Variants in ZBTB7C observed in about 807,000 individuals in gnomAD.
The protein encoded by ZBTB7C is zinc finger and BTB domain containing 7C, also known as zinc finger and BTB domain-containing protein 7C.
A neutral mutation model predicts 25.7 loss-of-function variants in ZBTB7C; 8 were observed. The observed-to-expected ratio is 0.31, with a 90% CI of 0.18 to 0.56. ZBTB7C has a LOEUF of 0.56. Ranked by LOEUF, ZBTB7C falls within the 20% of genes least tolerant of loss-of-function variation. The pLI, the probability that ZBTB7C is intolerant of heterozygous loss-of-function variation, is 0.91. For missense variants in ZBTB7C, 824 were observed against 855.2 expected, an observed-to-expected ratio of 0.96 and a Z score of 0.46; for synonymous variants, 394 against 369.0, an observed-to-expected ratio of 1.07 and a Z score of -0.78.
At chr18:48,071,464 A>G (rs2037538324) in intron 3 of ZBTB7C, among the ~76,000 whole-genome samples, 1 of 152,216 alleles carries the variant, frequency 6.6e-6, no homozygotes, top group African/African-American at 2.4e-5. Context: ...AGCCATTAGG[A>G]TGGCTACTGT....
intron 1 of ZBTB7C, among the ~76,000 whole-genome samples, chr18:48,383,911 C>T (rs974938344): frequency 3.9e-5 from 6 of 152,100 alleles, no homozygotes; most frequent in East Asian, 1.9e-4. Context: ...GATGGAGCCT[C>T]GACCTAAGCA....
intron 3 of ZBTB7C, among the ~76,000 whole-genome samples, chr18:48,155,752 G>A (rs1037777423): frequency 3.9e-5 from 6 of 152,168 alleles, no homozygotes; most frequent in African/African-American, 1.4e-4. Flanking sequence ...AAGGGGATGT[G>A]CCTGCATTCT....
chr18:48,055,694 G>T (rs1181626503), intron 3 of ZBTB7C, among the ~76,000 whole-genome samples: 1 of 152,086 alleles, frequency 6.6e-6, no homozygotes, highest in Non-Finnish European at 1.5e-5. Context: ...CCAAGGACTA[G>T]ACTTTCCCGA....
intron 2 of ZBTB7C, among the ~76,000 whole-genome samples, chr18:48,238,823 G>T (rs1599165175): frequency 1.3e-5 from 2 of 152,228 alleles, no homozygotes; most frequent in Non-Finnish European, 2.9e-5. Flanking sequence ...CAGCAGAGAA[G>T]CTGTGGCAGG....
intron 2 of ZBTB7C, among the ~76,000 whole-genome samples, chr18:48,304,985 G>C (rs968161946): frequency 6.6e-6 from 1 of 152,028 alleles, no homozygotes; most frequent in South Asian, 2.1e-4. Context: ...GAGGTGCCTC[G>C]AGCCTTTGTT....
chr18:48,136,611 C>G (rs1029711159), intron 3 of ZBTB7C, among the ~76,000 whole-genome samples: 2 of 152,206 alleles, frequency 1.3e-5, no homozygotes, highest in Non-Finnish European at 2.9e-5. Context: ...GCAACTCCCT[C>G]TCGGAGTGCC....
Position 48,040,146 on chromosome 18 carries a change from G to T in ZBTB7C, c.962C>A (p.Pro321His). 1 of 1,581,268 alleles carries T rather than the reference G, an allele frequency of 6.3e-7. No individual in the cohort carries two copies. The highest frequency in any genetic ancestry group is 8.6e-7 in the Non-Finnish European group (1 of 1,163,872). Reference sequence around the variant, plus strand: ...GTTCTCCGCCTTGATGGGTCCCAGAGGCCCCCCCGGCAGGTCAGGGAACAT... The same window carrying T: ...GTTCTCCGCCTTGATGGGTCCCAGATGCCCCCCCGGCAGGTCAGGGAACAT... ...KDMFPDLPGG[P>H]LGPIKAENDY... Residue 321 changes from proline (P) to histidine (H), a missense_variant, in exon 4 of 5, where the codon CCT becomes CAT. By Grantham distance (77) the Pro-to-His change is moderately conservative. This residue lies in a region of ZBTB7C where 316 missense variants were observed against 299.2 expected (regional missense o/e 1.06). Transcript: ENST00000590800.
chr18:48,161,718 C>G (rs1331501771), intron 3 of ZBTB7C, among the ~76,000 whole-genome samples: 3 of 150,760 alleles, frequency 2.0e-5, no homozygotes, highest in African/African-American at 7.3e-5. Flanking sequence ...CCGGGCGCCC[C>G]GCCCCAGCCC....
At chr18:48,127,939 C>T (rs1338003384) in intron 3 of ZBTB7C, among the ~76,000 whole-genome samples, 2 of 152,206 alleles carry the variant, frequency 1.3e-5, no homozygotes, top group Non-Finnish European at 2.9e-5. Context: ...CAAGGGCCGG[C>T]CAGAGGCTGC....
intron 2 of ZBTB7C, among the ~76,000 whole-genome samples, chr18:48,296,289 C>T (rs1392972502): frequency 6.6e-6 from 1 of 152,158 alleles, no homozygotes; most frequent in East Asian, 1.9e-4. Flanking sequence ...GGGTGGCAGC[C>T]TCCTCCTCTA....
intron 1 of ZBTB7C, among the ~76,000 whole-genome samples, chr18:48,357,294 G>A (rs1426346777): frequency 6.6e-6 from 1 of 152,184 alleles, no homozygotes; most frequent in Non-Finnish European, 1.5e-5. Context: ...TGGGAAGGGG[G>A]AGGGAGGAAT....
chr18:48,150,423 A>G (rs2040638935), intron 3 of ZBTB7C: 1 of 152,056 alleles, frequency 6.6e-6, no homozygotes, highest in African/African-American at 2.4e-5. Flanking sequence ...CTCTACTAAA[A>G]ACACAAAAAT....
chr18:48,270,531 A>G (rs1195462731), intron 2 of ZBTB7C, among the ~76,000 whole-genome samples: 1 of 150,606 alleles, frequency 6.6e-6, no homozygotes, highest in Non-Finnish European at 1.5e-5. Flanking sequence ...CCGCTAAAAA[A>G]TACAAAAAAT....
intron 1 of ZBTB7C, among the ~76,000 whole-genome samples, chr18:48,406,317 C>T (rs145072315): frequency 1.9e-3 from 285 of 152,230 alleles, no homozygotes; most frequent in African/African-American, 6.7e-3. Context: ...TTCACACCGC[C>T]CCTGCTGGAG....
At chr18:48,065,179 C>G (rs1202573188) in intron 3 of ZBTB7C, among the ~76,000 whole-genome samples, 2 of 151,804 alleles carry the variant, frequency 1.3e-5, no homozygotes, top group African/African-American at 4.8e-5. Context: ...GCTGGCTGGA[C>G]CCCGCTGCCA....
At chr18:48,105,153 C>T (rs2038984831) in intron 3 of ZBTB7C, among the ~76,000 whole-genome samples, 1 of 152,192 alleles carries the variant, frequency 6.6e-6, no homozygotes. Flanking sequence ...GACAAGCCAC[C>T]CCATGACCCC....
chr18:48,074,068 C>T (rs2037662581), intron 3 of ZBTB7C, among the ~76,000 whole-genome samples: 1 of 149,832 alleles, frequency 6.7e-6, no homozygotes, highest in Non-Finnish European at 1.5e-5. Context: ...GGCTGGAGTG[C>T]AGTGGCACAA....
chr18:48,245,090 G>GTATATATATATATATATATA lies in ZBTB7C; in HGVS notation c.-78-59096_-78-59095insTATATATATATATATATATA, dbSNP rs138848813. On this transcript the variant is annotated intron_variant, in intron 2 of 4. Transcript: ENST00000590800. ...GTGGAAAAAAAAGTAGTGTGTGTGT[G>GTATATATATATATATATATA]TGTATATATATATACACACACACAC... 7.5e-3 allele frequency among the ~76,000 whole-genome samples: 823 copies of GTATATATATATATATATATA among 109,580 alleles called. 12 individuals carry two copies. The highest frequency in any genetic ancestry group is 0.027 in the African/African-American group (645 of 23,958). 71.9% of individuals were successfully genotyped at this position (109,580 alleles called of 152,430 possible). A position where few individuals can be genotyped will look rare whatever the true frequency, so the allele number is the denominator to read the frequency against.
At chr18:48,338,915 G>GC (rs990883121) in intron 1 of ZBTB7C, among the ~76,000 whole-genome samples, 4 of 151,912 alleles carry the variant, frequency 2.6e-5, no homozygotes, top group Admixed American at 6.6e-5. Flanking sequence ...GTTTGTTGGG[G>GC]GGGGGGGGTC....
Sources: gnomAD v4.1 joint callset for allele counts (sites outside exome capture counted in the v4.1 genomes callset) on GRCh38, gnomAD v4.1.1 for gene constraint, gnomAD v4.1.1 regional missense constraint, MANE v1.5 for transcripts, NCBI Gene and HGNC (gene_info 2026-07-23, HGNC 2026-07-21) for gene names.